CDC42BPB: variants seen among roughly 807,000 people sequenced by gnomAD.
CDC42BPB encodes serine/threonine-protein kinase MRCK beta.
A neutral mutation model predicts 214.9 loss-of-function variants in CDC42BPB; 37 were observed. The ratio of observed to expected loss-of-function variants is 0.17; its 90% CI spans 0.13 to 0.23. The LOEUF (loss-of-function observed/expected upper bound fraction) is 0.23. CDC42BPB is among the 10% of genes least tolerant of loss of function. The probability of loss-of-function intolerance (pLI) is 1.00; values close to 1 mark genes in which losing one functional copy is unlikely to be tolerated. For synonymous variants in CDC42BPB, 931 were observed against 884.0 expected, an observed-to-expected ratio of 1.05 and a Z score of -0.94; for missense variants, 1,694 against 2,227.0, an observed-to-expected ratio of 0.76 and a Z score of 4.82.
At chr14:102,964,153 C>T (rs1256345076) in intron 19 of CDC42BPB, among the ~76,000 whole-genome samples, 3 of 152,206 alleles carry the variant, frequency 2.0e-5, no homozygotes, top group Non-Finnish European at 2.9e-5. Flanking sequence ...GTGAATGGAG[C>T]GGCACGGAGG....
At chr14:103,039,448 C>T (rs893547985) in intron 1 of CDC42BPB, among the ~76,000 whole-genome samples, 2 of 152,110 alleles carry the variant, frequency 1.3e-5, no homozygotes, top group Non-Finnish European at 2.9e-5. Context: ...TGGGATTCAT[C>T]CCAGGAATGT....
intron 1 of CDC42BPB, among the ~76,000 whole-genome samples, chr14:103,021,693 AAAG>A (rs1245915306): frequency 6.6e-6 from 1 of 152,162 alleles, no homozygotes; most frequent in East Asian, 1.9e-4. Context: ...AAAAAAAAAA[AAAG>A]AACATTCAGA....
At position 103,057,265 on chromosome 14, in the gene CDC42BPB, A is replaced by C; in HGVS notation, c.-92T>G. The stretch of plus-strand genomic sequence containing the variant: ...CGCCCTCGGGGGCTCGGCGGCTGCG[A>C]GCCCCGGCAGCAGCGGCGCCTCCTC... On this transcript the variant is annotated 5_prime_UTR_variant, in exon 1 of 37. Transcript: ENST00000361246. 6 of 1,156,494 alleles carry C rather than the reference A, an allele frequency of 5.2e-6. No homozygotes were observed. Among genetic ancestry groups the C allele is most frequent in the Non-Finnish European group, 4.3e-6 (4 of 940,828 alleles). 71.6% of individuals were successfully genotyped at this position (1,156,494 alleles called of 1,614,324 possible).
chr14:102,940,642 G>A lies in CDC42BPB; in HGVS notation c.4409-318C>T, dbSNP rs529962024. ...AGCTCTCATGAGATGTGATTATCCT[G>A]AAAGCTACTAATTCAGGCTCAACAC... On this transcript the variant is annotated intron_variant, in intron 30 of 36. Coordinates refer to ENST00000361246, the MANE Select transcript of CDC42BPB (RefSeq NM_006035.4). 293 of 450,560 alleles carry A rather than the reference G, an allele frequency of 6.5e-4. 1 individual carries two copies. Among genetic ancestry groups the A allele is most frequent in the Middle Eastern group, 5.0e-3 (7 of 1,392 alleles). The allele number at this position is 450,560 out of a possible 1,614,324, so 27.9% of individuals were successfully genotyped here. A position where few individuals can be genotyped will look rare whatever the true frequency, so the allele number is the denominator to read the frequency against.
intron 5 of CDC42BPB, among the ~76,000 whole-genome samples, chr14:102,989,648 G>A (rs1595113764): frequency 6.6e-6 from 1 of 152,290 alleles, no homozygotes; most frequent in South Asian, 2.1e-4. Flanking sequence ...TGAGGTGGAA[G>A]GATCGCCTGA....
intron 34 of CDC42BPB, among the ~76,000 whole-genome samples, chr14:102,939,289 G>A (rs1891783171): frequency 1.3e-5 from 2 of 152,234 alleles, no homozygotes; most frequent in South Asian, 2.1e-4. Context: ...CTGTTGGTAC[G>A]AAGGTGTTAC....
chr14:103,044,954 C>T (rs1027481333), intron 1 of CDC42BPB, among the ~76,000 whole-genome samples: 7 of 150,904 alleles, frequency 4.6e-5, no homozygotes, highest in African/African-American at 1.7e-4. Context: ...AATCCCAGCA[C>T]TTTGGGAGGC....
At chr14:103,056,310 G>A (rs1184014541) in intron 1 of CDC42BPB, among the ~76,000 whole-genome samples, 1 of 152,082 alleles carries the variant, frequency 6.6e-6, no homozygotes, top group Non-Finnish European at 1.5e-5. Context: ...TTAAAATAAA[G>A]CCTTAACCTT....
chr14:102,982,908 T>A (rs554912072), intron 7 of CDC42BPB, among the ~76,000 whole-genome samples: 2 of 151,264 alleles, frequency 1.3e-5, no homozygotes, highest in Non-Finnish European at 2.9e-5. Context: ...CTAAGGAAAA[T>A]TTTTAAAAAG....
chr14:103,038,918 A>AT (rs1402793629), intron 1 of CDC42BPB, among the ~76,000 whole-genome samples: 5 of 152,154 alleles, frequency 3.3e-5, no homozygotes, highest in Admixed American at 1.3e-4. Context: ...AGCAACTCAA[A>AT]TTGCTAGGAT....
At chr14:103,006,033 A>AT (rs1885794795) in intron 3 of CDC42BPB, among the ~76,000 whole-genome samples, 1 of 152,032 alleles carries the variant, frequency 6.6e-6, no homozygotes, top group East Asian at 1.9e-4. Context: ...AAAAAAAAAA[A>AT]AAGATGGCTG....
chr14:102,940,216 G>A lies in CDC42BPB; in HGVS notation c.4506+11C>T, dbSNP rs1555383615. 27 of 1,607,110 alleles carry A rather than the reference G, an allele frequency of 1.7e-5. No homozygotes were observed. Among genetic ancestry groups the A allele is most frequent in the Non-Finnish European group, 2.1e-5 (25 of 1,177,224 alleles). ...GCCCGCCCGCACAGGAGGGCACCGAGGCCGCCTTACCCTCCGCAGGCCGAT... is the reference window on the plus strand; with the variant it reads ...GCCCGCCCGCACAGGAGGGCACCGAAGCCGCCTTACCCTCCGCAGGCCGAT... On this transcript the variant is annotated intron_variant, in intron 31 of 36. Coordinates refer to ENST00000361246, the MANE Select transcript of CDC42BPB (RefSeq NM_006035.4).
rs144477207 is a variant in CDC42BPB at position 103,022,820 on chromosome 14, C to T, written c.176-10632G>A. ...TGAGAACACAGCCAATTCCTTGAAACGAACATTATTGGTGCTTGCTGCATC... is the reference window on the plus strand; with the variant it reads ...TGAGAACACAGCCAATTCCTTGAAATGAACATTATTGGTGCTTGCTGCATC... On this transcript the variant is annotated intron_variant, in intron 1 of 36. Coordinates refer to ENST00000361246, the MANE Select transcript of CDC42BPB (RefSeq NM_006035.4). Among the ~76,000 whole-genome samples, 205 of 152,268 alleles carry T rather than the reference C, an allele frequency of 1.3e-3. 1 individual carries two copies. The highest frequency in any genetic ancestry group is 4.7e-3 in the African/African-American group (197 of 41,562).
At chr14:102,955,529 A>AT (rs1892673395) in intron 21 of CDC42BPB, among the ~76,000 whole-genome samples, 1 of 152,200 alleles carries the variant, frequency 6.6e-6, no homozygotes, top group African/African-American at 2.4e-5. Flanking sequence ...CCATGAGTAG[A>AT]TTTAAGAATT....
At chr14:102,996,414 A>C (rs916827039) in intron 5 of CDC42BPB, among the ~76,000 whole-genome samples, 5 of 152,202 alleles carry the variant, frequency 3.3e-5, no homozygotes. Flanking sequence ...AAGGTGGTCA[A>C]ACTAATTTCC....
intron 11 of CDC42BPB, 150 bp from the exon 12 acceptor site, chr14:102,974,299 C>G: frequency 6.9e-7 from 1 of 1,450,290 alleles, no homozygotes; most frequent in African/African-American, 1.4e-5. Flanking sequence ...CACACACACA[C>G]ACACACACAC....
chr14:102,975,995 G>A lies in CDC42BPB; in HGVS notation c.1275C>T (p.Thr425=). The A allele has an allele frequency of 6.2e-7, 1 of 1,614,190 alleles. No homozygotes were observed. The highest frequency in any genetic ancestry group is 8.5e-7 in the Non-Finnish European group (1 of 1,180,026). Residue 425 remains threonine (T), a synonymous_variant, in exon 10 of 37, where the codon ACC becomes ACT. Coordinates refer to ENST00000361246, the MANE Select transcript of CDC42BPB (RefSeq NM_006035.4). ...LKSIMQSNTL[T]KDEDVQRDLE... ...GGTCCCGCTGCACATCCTCATCTTT[G>A]GTTAATGTGTTGGACTGCATTATGC...
chr14:102,999,441 G>A (rs1249136607), intron 5 of CDC42BPB, 124 bp downstream of exon 5: 8 of 842,386 alleles, frequency 9.5e-6, no homozygotes, highest in African/African-American at 6.8e-5. Context: ...TCTGTGCTGC[G>A]GCAGCTCAAA....
intron 11 of CDC42BPB, 58 bp downstream of exon 11, chr14:102,975,625 CT>C: frequency 3.2e-6 from 5 of 1,544,576 alleles, no homozygotes; most frequent in Non-Finnish European, 4.5e-6. Flanking sequence ...CTGAAATTCC[CT>C]TTTAAGACAG....
Sources: allele counts gnomAD v4.1 joint callset (sites outside exome capture counted in the v4.1 genomes callset), GRCh38; gene constraint gnomAD v4.1.1; transcripts MANE v1.5; gene names NCBI Gene and HGNC (gene_info 2026-07-23, HGNC 2026-07-21).